The following SPATA13 variants were observed in gnomAD, a reference collection of about 807,000 sequenced individuals.
SPATA13 encodes spermatogenesis associated 13.
A neutral mutation model predicts 104.0 loss-of-function variants in SPATA13; 50 were observed. The observed-to-expected ratio is 0.48, with a 90% confidence interval of 0.38 to 0.61. The LOEUF is 0.61. Ranked by LOEUF, SPATA13 falls within the 20% of genes least tolerant of loss-of-function variation. The pLI is 0.00. For missense variants in SPATA13, 1,524 were observed against 1,690.6 expected (o/e 0.90, Z 1.73); for synonymous variants, 606 against 667.5 (o/e 0.91, Z 1.42).
chr13:24,104,341 G>T (rs1243869874), intron 3 of SPATA13, among the ~76,000 whole-genome samples: 1 of 151,972 alleles, frequency 6.6e-6, no homozygotes, highest in Non-Finnish European at 1.5e-5. Context: ...GGTTCCATCA[G>T]TCTATAAAAT....
intron 3 of SPATA13, among the ~76,000 whole-genome samples, chr13:24,064,656 T>A (rs1878886193): frequency 6.6e-6 from 1 of 152,168 alleles, no homozygotes; most frequent in Non-Finnish European, 1.5e-5. Flanking sequence ...ATTTGCCAGC[T>A]TGCAGAATTG....
intron 1 of SPATA13, among the ~76,000 whole-genome samples, chr13:24,198,098 C>T (rs938682257): frequency 8.5e-5 from 13 of 152,064 alleles, no homozygotes; most frequent in South Asian, 2.1e-4. Context: ...CGGATTCAAG[C>T]GATTCTCCTG....
At chr13:24,248,926 C>G (rs567423918) in intron 2 of SPATA13, among the ~76,000 whole-genome samples, 2 of 150,926 alleles carry the variant, frequency 1.3e-5, no homozygotes, top group South Asian at 4.2e-4. Flanking sequence ...TTCACCCAGG[C>G]TGGAGTGTGG....
chr13:24,163,495 C>T (rs117702425), intron 1 of SPATA13, among the ~76,000 whole-genome samples: 3,074 of 152,334 alleles, frequency 0.02, 37 homozygotes, highest in South Asian at 0.041. Context: ...CTGGACAGAT[C>T]TTTATGGTCT....
At chr13:24,245,584 CTTTTTTTTT>C (rs61316306) in intron 2 of SPATA13, among the ~76,000 whole-genome samples, 3 of 88,630 alleles carry the variant, frequency 3.4e-5, no homozygotes, top group Non-Finnish European at 2.0e-5. Context: ...ACAGTTGTTT[CTTTTTTTTT>C]TTTTTTTTTT....
In SPATA13 at chr13:24,304,965, T is replaced by C. The variant is rs1877482536; in HGVS notation, c.*2192T>C. On this transcript the variant is annotated 3_prime_UTR_variant, in exon 13 of 13. Coordinates refer to ENST00000382108, the MANE Select transcript of SPATA13 (RefSeq NM_001166271.3). ...TGTTGGAAACTACTTAATATGCTTT[T>C]CCTGCACACCTTAGCAATAACTGTA... The C allele has an allele frequency of 6.6e-6, 1 of 152,278 alleles. No individual in the cohort carries two copies. The highest frequency in any genetic ancestry group is 2.4e-5 in the African/African-American group (1 of 41,476). 9.4% of individuals were successfully genotyped at this position (152,278 alleles called of 1,614,324 possible).
At chr13:24,265,489 T>C (rs1394140757) in intron 4 of SPATA13, among the ~76,000 whole-genome samples, 1 of 152,224 alleles carries the variant, frequency 6.6e-6, no homozygotes, top group Non-Finnish European at 1.5e-5. Flanking sequence ...AATTATTTCC[T>C]GTGAAGGACT....
intron 3 of SPATA13, among the ~76,000 whole-genome samples, chr13:24,089,246 C>A (rs946291738): frequency 2.0e-5 from 3 of 152,194 alleles, no homozygotes; most frequent in Non-Finnish European, 4.4e-5. Context: ...GCCTCTGCTT[C>A]ATGGTTTGCT....
At position 24,123,636 on chromosome 13, in the gene SPATA13, G is replaced by T. The variant is rs1881115488; in HGVS notation, c.-111-99183G>T. 4.4e-6 allele frequency: 7 copies of T among 1,605,116 alleles called. No individual in the cohort carries two copies. The East Asian group carries it at 1.3e-4, about 31-fold the overall frequency. Reference sequence around the variant, plus strand: ...AAGTGTCTGGGCAGCAGTGGTAGGAGAAATGAAATCTTCAAACACATCAAA... The same window carrying T: ...AAGTGTCTGGGCAGCAGTGGTAGGATAAATGAAATCTTCAAACACATCAAA... On this transcript the variant is annotated intron_variant, in intron 3 of 14. Coordinates refer to the SPATA13 transcript ENST00000424834.
chr13:24,254,113 G>T lies in SPATA13; in HGVS notation c.2164+2251G>T, dbSNP rs531348155. Among the ~76,000 whole-genome samples, 10 of 152,270 alleles carry T rather than the reference G, an allele frequency of 6.6e-5. No homozygotes were observed. The South Asian group carries it at 1.0e-3, about 16-fold the overall frequency. Reference sequence around the variant, plus strand: ...AAATATGGTAGCAGTGACCACAAAAGCCATCCCCATTTTCCGTGGGTGCTC... The same window carrying T: ...AAATATGGTAGCAGTGACCACAAAATCCATCCCCATTTTCCGTGGGTGCTC... On this transcript the variant is annotated intron_variant, in intron 4 of 12. Coordinates refer to ENST00000382108, the MANE Select transcript of SPATA13 (RefSeq NM_001166271.3).
chr13:24,013,845 A>T (rs1876587578), intron 2 of SPATA13, among the ~76,000 whole-genome samples: 2 of 151,972 alleles, frequency 1.3e-5, no homozygotes, highest in African/African-American at 4.8e-5. Context: ...CGTTTGACCC[A>T]TGAGAAAATC....
At chr13:24,109,372 G>T (rs1316539627) in intron 3 of SPATA13, among the ~76,000 whole-genome samples, 1 of 152,136 alleles carries the variant, frequency 6.6e-6, no homozygotes, top group Non-Finnish European at 1.5e-5. Flanking sequence ...TGGGCATTTG[G>T]GTTGGTTCCA....
chr13:24,294,938 C>G (rs1011047947), intron 10 of SPATA13, 70 bp downstream of exon 10: 1 of 1,483,070 alleles, frequency 6.7e-7, no homozygotes. Context: ...GGTGCAGATG[C>G]ACTTTAATAT....
intron 2 of SPATA13, among the ~76,000 whole-genome samples, chr13:24,003,926 AG>A (rs148499721): frequency 0.026 from 3,963 of 152,290 alleles, 68 homozygotes; most frequent in African/African-American, 0.047. Flanking sequence ...GTCCCTTTTC[AG>A]CCACACTCCC....
intron 3 of SPATA13, among the ~76,000 whole-genome samples, chr13:24,141,100 G>A (rs1881747018): frequency 2.6e-5 from 4 of 152,020 alleles, no homozygotes; most frequent in East Asian, 1.9e-4. Flanking sequence ...GCTTGAACCC[G>A]GGAGGCAGAA....
intron 3 of SPATA13, among the ~76,000 whole-genome samples, chr13:24,037,192 G>A (rs1320776995): frequency 1.6e-5 from 2 of 128,920 alleles, no homozygotes; most frequent in African/African-American, 3.0e-5. Flanking sequence ...ATCACACATC[G>A]GGGCCTGTCA....
At chr13:24,213,721 A>G (rs1280028068) in intron 1 of SPATA13, among the ~76,000 whole-genome samples, 1 of 152,236 alleles carries the variant, frequency 6.6e-6, no homozygotes, top group Non-Finnish European at 1.5e-5. Flanking sequence ...CAACTTTAAT[A>G]TAGCGATCCT....
At chr13:24,015,949 G>A (rs373339565) in intron 2 of SPATA13, among the ~76,000 whole-genome samples, 4 of 152,184 alleles carry the variant, frequency 2.6e-5, no homozygotes, top group South Asian at 2.1e-4. Flanking sequence ...TCTGTCCTTC[G>A]TCCTTCTGCC....
intron 3 of SPATA13, among the ~76,000 whole-genome samples, chr13:24,053,852 G>T (rs1593301192): frequency 6.6e-6 from 1 of 152,208 alleles, no homozygotes; most frequent in Non-Finnish European, 1.5e-5. Flanking sequence ...TTCAGGAATG[G>T]ATTCTTGTTA....
Sources: gnomAD v4.1 joint callset for allele counts (sites outside exome capture counted in the v4.1 genomes callset) on GRCh38, gnomAD v4.1.1 for gene constraint, MANE v1.5 for transcripts, NCBI Gene and HGNC (gene_info 2026-07-23, HGNC 2026-07-21) for gene names.